LRCH3: variants seen among roughly 807,000 people sequenced by gnomAD.
LRCH3 encodes leucine rich repeats and calponin homology domain containing 3.
In LRCH3, 68 loss-of-function variants were observed where a neutral mutation model predicts 104.5. The ratio of observed to expected loss-of-function variants is 0.65; its 90% confidence interval spans 0.54 to 0.80. LRCH3 has a LOEUF of 0.80. Among genes scored for constraint, LRCH3 ranks in the 30% least tolerant of loss-of-function variants. LRCH3 has a pLI of 0.00. For synonymous variants in LRCH3, 344 were observed against 361.3 expected (o/e 0.95, Z 0.54); for missense variants, 951 against 953.9 (o/e 1.00, Z 0.04).
chr3:197,831,202 G>C, intron 7 of LRCH3: 1 of 197,738 alleles, frequency 5.1e-6, no homozygotes, highest in South Asian at 9.3e-5. Flanking sequence ...AAACAAGTAG[G>C]ACTTTCGGCT....
intron 20 of LRCH3, chr3:197,880,529 T>C: frequency 6.5e-7 from 1 of 1,536,294 alleles, no homozygotes; most frequent in South Asian, 1.2e-5. Flanking sequence ...TTTGTTCCCC[T>C]TCCGACATCC....
chr3:197,850,039 A>G (rs1739352885), intron 12 of LRCH3, among the ~76,000 whole-genome samples: 1 of 152,224 alleles, frequency 6.6e-6, no homozygotes, highest in South Asian at 2.1e-4. Context: ...GTGAGTAGGT[A>G]GGATTTAGCC....
chr3:197,849,356 A>T (rs1352557971), intron 12 of LRCH3, among the ~76,000 whole-genome samples: 1 of 151,426 alleles, frequency 6.6e-6, no homozygotes, highest in Non-Finnish European at 1.5e-5. Flanking sequence ...GCAGAAGTTC[A>T]CAAAGGTACC....
rs541271573 is a variant in LRCH3, at chr3:197,802,990, T to A, written c.262+11450T>A. ...TCTTTGGTGTGAAAAAGTCAAGCATTCAGAACTTTTAAAATTGGTGTCATA... is the reference window on the plus strand; with the variant it reads ...TCTTTGGTGTGAAAAAGTCAAGCATACAGAACTTTTAAAATTGGTGTCATA... On this transcript the variant is annotated intron_variant, in intron 1 of 20. Transcript: ENST00000425562. Among the ~76,000 whole-genome samples the A allele has an allele frequency of 2.0e-5, 3 of 152,292 alleles. No homozygotes were observed. In the South Asian group the frequency reaches 6.2e-4, roughly 32 times the overall value.
chr3:197,863,802 G>A (rs541392223), intron 15 of LRCH3, among the ~76,000 whole-genome samples: 1 of 152,000 alleles, frequency 6.6e-6, no homozygotes, highest in Non-Finnish European at 1.5e-5. Flanking sequence ...TCTCCTAACC[G>A]AAATTAGGAA....
intron 1 of LRCH3, among the ~76,000 whole-genome samples, chr3:197,812,506 T>TTTTTTTTTTG (rs1733266648): frequency 1.7e-5 from 2 of 121,012 alleles, no homozygotes; most frequent in Admixed American, 8.8e-5. Flanking sequence ...TGCTTTCAGT[T>TTTTTTTTTTG]TTTTTTTTTT....
chr3:197,855,286 C>T (rs1740099008), intron 14 of LRCH3, among the ~76,000 whole-genome samples: 1 of 152,144 alleles, frequency 6.6e-6, no homozygotes, highest in Admixed American at 6.5e-5. Flanking sequence ...GATAAAGCAC[C>T]TTTTAACTGG....
intron 5 of LRCH3, 30 bp downstream of exon 5, chr3:197,827,044 C>T (rs1414017701): frequency 1.3e-6 from 2 of 1,553,262 alleles, no homozygotes; most frequent in Non-Finnish European, 8.7e-7. Flanking sequence ...TCAGGTAAAC[C>T]ATGGTGGAAG....
chr3:197,803,538 G>A (rs1389887486), intron 1 of LRCH3, among the ~76,000 whole-genome samples: 2 of 152,022 alleles, frequency 1.3e-5, no homozygotes, highest in Non-Finnish European at 2.9e-5. Context: ...GGTGATTTGC[G>A]CCTGTAATCC....
intron 4 of LRCH3, chr3:197,822,899 T>C (rs1734654235): frequency 6.6e-6 from 1 of 151,496 alleles, no homozygotes; most frequent in African/African-American, 2.4e-5. Flanking sequence ...AAGCTTCACC[T>C]CCTGGGTTCA....
chr3:197,848,224 G>C (rs998813296), intron 12 of LRCH3: 1 of 533,996 alleles, frequency 1.9e-6, no homozygotes, highest in African/African-American at 1.9e-5. Flanking sequence ...CGGTAAATCT[G>C]TCATTGGACA....
At chr3:197,869,491 G>A (rs539502962) in intron 17 of LRCH3, among the ~76,000 whole-genome samples, 45 of 146,364 alleles carry the variant, frequency 3.1e-4, no homozygotes, top group Admixed American at 6.0e-4. Context: ...AGTAGAAAGC[G>A]GTGCACTGTA....
intron 3 of LRCH3, among the ~76,000 whole-genome samples, chr3:197,819,743 T>C (rs1320823869): frequency 1.3e-5 from 2 of 152,072 alleles, no homozygotes; most frequent in African/African-American, 4.8e-5. Context: ...AAAGTCTAGC[T>C]TCTGATTCTA....
rs759011797 is a variant in LRCH3, at chr3:197,883,746, A to G, written c.*80A>G. On this transcript the variant is annotated 3_prime_UTR_variant, in exon 21 of 21. Coordinates refer to ENST00000425562, the MANE Select transcript of LRCH3 (RefSeq NM_001365715.1). This position sits in a 1 kb window ranked among gnomAD's most constrained non-coding sequence, Gnocchi z 4.2. ...GATTGCTGCTGCCAGCTGTCTGCTT[A>G]AACAAAGCTCTTGTGTGTTCTCAGA... 2.1e-6 allele frequency: 3 copies of G among 1,433,594 alleles called. No homozygotes were observed. Among genetic ancestry groups the G allele is most frequent in the Non-Finnish European group, 2.8e-6 (3 of 1,079,996 alleles). 88.8% of individuals were successfully genotyped at this position (1,433,594 alleles called of 1,614,324 possible).
chr3:197,849,744 A>G (rs1386794886), intron 12 of LRCH3, among the ~76,000 whole-genome samples: 1 of 152,176 alleles, frequency 6.6e-6, no homozygotes, highest in African/African-American at 2.4e-5. Context: ...TTGTTTTCTT[A>G]ATCAGGAGGC....
At chr3:197,847,377 TTTTTTTCTTTC>T (rs766828503) in intron 10 of LRCH3, 21 bp from the exon 11 acceptor site, 2 of 1,560,586 alleles carry the variant, frequency 1.3e-6, no homozygotes, top group African/African-American at 1.4e-5. Flanking sequence ...TATCAAAGAG[TTTTTTTCTTTC>T]TTTTTTCTTT....
intron 4 of LRCH3, chr3:197,823,083 A>AGGTTC (rs61398790): frequency 6.9e-6 from 1 of 145,506 alleles, no homozygotes. Context: ...TCTGCCTCCC[A>AGGTTC]AGTAGCTGGG....
rs771899253 is a variant in LRCH3 at position 197,791,291 on chromosome 3, G to A, written c.13G>A (p.Gly5Ser). Reference protein sequence around the residue: MAAAGLVAVAAAAEY... With the variant: MAAASLVAVAAAAEY... ...TGTCGGCTGGGAAATGGCGGCCGCGGGCTTGGTCGCTGTGGCAGCGGCTGC... is the reference window on the plus strand; with the variant it reads ...TGTCGGCTGGGAAATGGCGGCCGCGAGCTTGGTCGCTGTGGCAGCGGCTGC... The change falls in exon 1 of 21, where the codon GGC (glycine) becomes AGC (serine). Residue 5 changes from glycine (G) to serine (S), a missense_variant. Physicochemically the swap from Gly to Ser is moderately conservative, Grantham distance 56. Transcript: ENST00000425562. The A allele has an allele frequency of 6.8e-6, 11 of 1,608,852 alleles. No homozygotes were observed. Among genetic ancestry groups the A allele is most frequent in the Non-Finnish European group, 9.3e-6 (11 of 1,178,744 alleles).
intron 8 of LRCH3, 60 bp downstream of exon 8, chr3:197,832,377 CT>C: frequency 6.4e-7 from 1 of 1,567,568 alleles, no homozygotes; most frequent in Non-Finnish European, 8.7e-7. Context: ...TTAAAGTTGT[CT>C]TTTTCATACC....
Sources: gnomAD v4.1 joint callset for allele counts (sites outside exome capture counted in the v4.1 genomes callset) on GRCh38, gnomAD v4.1.1 for gene constraint, Gnocchi (gnomAD v3.1) non-coding constraint, MANE v1.5 for transcripts, NCBI Gene and HGNC (gene_info 2026-07-23, HGNC 2026-07-21) for gene names.